Variants in PDE5A observed in about 807,000 individuals in gnomAD.
PDE5A encodes phosphodiesterase 5A.
PDE5A carries 67 observed loss-of-function variants against 110.2 expected under a neutral mutation model. The ratio of observed to expected loss-of-function variants is 0.61; its 90% confidence interval spans 0.50 to 0.75. PDE5A has a LOEUF of 0.75. PDE5A is among the 30% of genes least tolerant of loss of function. PDE5A has a pLI of 0.00. For synonymous variants in PDE5A, 328 were observed against 351.2 expected, an observed-to-expected ratio of 0.93 and a Z score of 0.74; for missense variants, 862 against 1,045.1, an observed-to-expected ratio of 0.82 and a Z score of 2.42.
intron 14 of PDE5A, among the ~76,000 whole-genome samples, chr4:119,512,093 C>T (rs1480933): frequency 0.52 from 79,178 of 151,846 alleles, 20,935 homozygotes; most frequent in African/African-American, 0.6. Flanking sequence ...ACTATCTGAA[C>T]GATTATTTTA....
At chr4:119,557,011 A>G (rs910089769) in intron 7 of PDE5A, among the ~76,000 whole-genome samples, 3 of 129,704 alleles carry the variant, frequency 2.3e-5, no homozygotes, top group Non-Finnish European at 3.4e-5. Context: ...CAGAGCTCCA[A>G]TTGTAGAAAG....
intron 15 of PDE5A, among the ~76,000 whole-genome samples, chr4:119,508,516 G>A (rs1445137889): frequency 1.3e-5 from 2 of 151,928 alleles, no homozygotes; most frequent in East Asian, 3.9e-4. Context: ...AGATCTGAAG[G>A]CAAGGGATTT....
At chr4:119,553,587 T>A in intron 8 of PDE5A, 51 bp downstream of exon 8, 1 of 860,510 alleles carries the variant, frequency 1.2e-6, no homozygotes, top group Non-Finnish European at 2.0e-6. Flanking sequence ...TAAGTACAGA[T>A]GTGATGGGAA....
intron 3 of PDE5A, among the ~76,000 whole-genome samples, chr4:119,579,865 T>A (rs1256229019): frequency 6.6e-6 from 1 of 152,108 alleles, no homozygotes; most frequent in African/African-American, 2.4e-5. Context: ...TCTGTGAGTT[T>A]CACTGTACGT....
chr4:119,538,475 G>A (rs1029292672), intron 11 of PDE5A, among the ~76,000 whole-genome samples: 1 of 152,110 alleles, frequency 6.6e-6, no homozygotes, highest in Non-Finnish European at 1.5e-5. Flanking sequence ...ATATCCATGT[G>A]CTTTTCTCTC....
chr4:119,534,317 G>A (rs1030817728), intron 11 of PDE5A, among the ~76,000 whole-genome samples: 1 of 115,264 alleles, frequency 8.7e-6, no homozygotes, highest in Admixed American at 9.8e-5. Flanking sequence ...AGTAGTGGGA[G>A]TGAGAATTAC....
chr4:119,543,846 G>A (rs11098531), intron 9 of PDE5A: 39,996 of 152,042 alleles, frequency 0.26, 5,394 homozygotes, highest in East Asian at 0.38. Flanking sequence ...TAACTTACAG[G>A]TGAGGCAGGC....
chr4:119,592,920 G>T (rs867661944), intron 3 of PDE5A, among the ~76,000 whole-genome samples: 22 of 152,158 alleles, frequency 1.4e-4, no homozygotes, highest in African/African-American at 4.3e-4. Flanking sequence ...CTAAAGGAGA[G>T]AGCTTCGGGC....
intron 3 of PDE5A, among the ~76,000 whole-genome samples, chr4:119,575,708 A>G (rs1728311019): frequency 6.6e-6 from 1 of 152,204 alleles, no homozygotes; most frequent in Non-Finnish European, 1.5e-5. Flanking sequence ...GAAAGGAACA[A>G]CCGGTACCAG....
chr4:119,603,375 AATACATAC>A (rs10579225), intron 2 of PDE5A, among the ~76,000 whole-genome samples: 12,327 of 148,546 alleles, frequency 0.083, 983 homozygotes, highest in African/African-American at 0.21. Flanking sequence ...GCTTAAAATA[AATACATAC>A]ATACATACAT....
rs1730397891 is a variant in PDE5A at position 119,627,424 on chromosome 4, G to A, written c.152+1096C>T. ...AGTGGGACCCGGGCGTCGAACCCGG[G>A]CGGGCTCCTCGACCATCACTGCCGG... On this transcript the variant is annotated intron_variant, in intron 1 of 20. Coordinates refer to ENST00000354960, the MANE Select transcript of PDE5A (RefSeq NM_001083.4). This position sits in a 1 kb window ranked among gnomAD's most constrained non-coding sequence, Gnocchi z 4.6. 1 of 426,620 alleles carries A rather than the reference G, an allele frequency of 2.3e-6. No individual in the cohort carries two copies. The highest frequency in any genetic ancestry group is 1.6e-4 in the East Asian group (1 of 6,398). 26.4% of individuals were successfully genotyped at this position (426,620 alleles called of 1,614,324 possible). A position where few individuals can be genotyped will look rare whatever the true frequency, so the allele number is the denominator to read the frequency against.
At chr4:119,545,771 G>T (rs954499744) in intron 9 of PDE5A, among the ~76,000 whole-genome samples, 1 of 152,090 alleles carries the variant, frequency 6.6e-6, no homozygotes, top group African/African-American at 2.4e-5. Flanking sequence ...GCAGAACAGG[G>T]GGTCAATGCT....
intron 11 of PDE5A, among the ~76,000 whole-genome samples, chr4:119,529,782 G>A (rs569849845): frequency 3.4e-4 from 52 of 152,228 alleles, no homozygotes; most frequent in African/African-American, 1.1e-3. Context: ...CCCTGTTGAT[G>A]CTCTATTTTG....
intron 1 of PDE5A, among the ~76,000 whole-genome samples, chr4:119,612,376 A>G (rs759098478): frequency 2.6e-5 from 4 of 152,168 alleles, no homozygotes; most frequent in Admixed American, 6.5e-5. Flanking sequence ...TTAAAAGTAC[A>G]TGGTACCTCC....
intron 18 of PDE5A, among the ~76,000 whole-genome samples, chr4:119,504,019 GGGACT>G (rs1433006177): frequency 6.1e-4 from 93 of 152,062 alleles, no homozygotes; most frequent in African/African-American, 2.2e-3. Flanking sequence ...TGTATTGGTG[GGGACT>G]GGGCTTCTAG....
intron 7 of PDE5A, among the ~76,000 whole-genome samples, chr4:119,554,402 T>C (rs1274863291): frequency 2.0e-5 from 3 of 152,168 alleles, no homozygotes; most frequent in Admixed American, 6.6e-5. Context: ...ACCAGTTATG[T>C]TCCAGTCTCT....
chr4:119,498,293 C>A lies in PDE5A; in HGVS notation c.*308G>T. 1 of 216,788 alleles carries A rather than the reference C, an allele frequency of 4.6e-6. No individual in the cohort carries two copies. Among genetic ancestry groups the A allele is most frequent in the East Asian group, 1.0e-4 (1 of 10,044 alleles). 13.4% of individuals were successfully genotyped at this position (216,788 alleles called of 1,614,324 possible). On this transcript the variant is annotated 3_prime_UTR_variant, in exon 21 of 21. Coordinates refer to ENST00000354960, the MANE Select transcript of PDE5A (RefSeq NM_001083.4). Reference sequence around the variant, plus strand: ...TTAAAATAATCCCCAAGCAAAAAAACCTCAGTGCAAGAATACTGCATACAC... The same window carrying A: ...TTAAAATAATCCCCAAGCAAAAAAAACTCAGTGCAAGAATACTGCATACAC...
At position 119,519,119 on chromosome 4, in the gene PDE5A, C is replaced by T. The variant is rs1273680744; in HGVS notation, c.1926G>A (p.Glu642=). The T allele has an allele frequency of 6.2e-7, 1 of 1,613,706 alleles. No homozygotes were observed. The highest frequency in any genetic ancestry group is 8.5e-7 in the Non-Finnish European group (1 of 1,179,660). The change falls in exon 14 of 21, where the codon GAG becomes GAA. Residue 642 remains glutamate (E), a synonymous_variant. Transcript: ENST00000354960. Reference sequence around the variant, plus strand: ...GTGCAGCAATCAGCAATGCAAGTATCTCCAGGTCAGTCAGCTTGTTCTGCA... The same window carrying T: ...GTGCAGCAATCAGCAATGCAAGTATTTCCAGGTCAGTCAGCTTGTTCTGCA... ...GKIQNKLTDL[E]ILALLIAALS... is the part of the protein sequence containing the mutation.
rs376595968 is a variant in PDE5A at position 119,507,656 on chromosome 4, A to G, written c.2137T>C (p.Leu713=). 8 of 1,585,222 alleles carry G rather than the reference A, an allele frequency of 5.0e-6. No individual in the cohort carries two copies. In the African/African-American group the frequency reaches 5.5e-5, roughly 11 times the overall value. The stretch of plus-strand genomic sequence containing the variant: ...AAAATAGCTTGCTTGATTATTTTCA[A>G]CGTGGTCTTATATTCTTCAATGGAG... ...GLSIEEYKTT[L]KIIKQAILAT... Residue 713 remains leucine, a synonymous_variant, in exon 16 of 21, where the codon TTG becomes CTG. Coordinates refer to ENST00000354960, the MANE Select transcript of PDE5A (RefSeq NM_001083.4).
Sources: allele counts gnomAD v4.1 joint callset (sites outside exome capture counted in the v4.1 genomes callset), GRCh38; gene constraint gnomAD v4.1.1; non-coding constraint Gnocchi (gnomAD v3.1); transcripts MANE v1.5; gene names NCBI Gene and HGNC (gene_info 2026-07-23, HGNC 2026-07-21).